Variants in ATP13A2 observed in about 807,000 individuals in gnomAD.
ATP13A2 encodes the protein ATPase cation transporting 13A2.
In ATP13A2, 83 loss-of-function variants were observed where a neutral mutation model predicts 138.3. The observed-to-expected ratio is 0.60, with a 90% CI of 0.50 to 0.72. The LOEUF is 0.72. ATP13A2 is among the 30% of genes least tolerant of loss of function. The pLI, the probability that ATP13A2 is intolerant of heterozygous loss-of-function variation, is 0.00. For synonymous variants in ATP13A2, 663 were observed against 699.0 expected (o/e 0.95, Z 0.81); for missense variants, 1,402 against 1,606.4 (o/e 0.87, Z 2.17).
chr1:16,990,694 G>A (rs1366536178), intron 20 of ATP13A2, among the ~76,000 whole-genome samples: 1 of 148,470 alleles, frequency 6.7e-6, no homozygotes, highest in Non-Finnish European at 1.5e-5. Context: ...AATTTTTTTT[G>A]CATTTTTAGT....
intron 14 of ATP13A2, 36 bp downstream of exon 14, chr1:16,996,218 G>A: frequency 1.2e-6 from 2 of 1,614,146 alleles, no homozygotes. Context: ...CCTGGGCCCT[G>A]CTGGCAGCAC....
Position 16,986,081 on chromosome 1 carries a change from G to C in ATP13A2, c.*140C>G, listed in dbSNP as rs557545457. 8.7e-4 allele frequency: 1,334 copies of C among 1,536,000 alleles called. 12 individuals are homozygous for C. In the African/African-American group the frequency reaches 0.017, roughly 19 times the overall value. On this transcript the variant is annotated 3_prime_UTR_variant, in exon 29 of 29. Transcript: ENST00000326735. The surrounding 1 kb of genome is among the most constrained non-coding windows in gnomAD (Gnocchi z 6.9). ...AGTAGTCAACGCTTCCCCAGGGTGGGGGTGGTCTCGGGGGAGGAGTGTAGA... is the reference window on the plus strand; with the variant it reads ...AGTAGTCAACGCTTCCCCAGGGTGGCGGTGGTCTCGGGGGAGGAGTGTAGA...
At chr1:16,989,622 A>G (rs749694399) in intron 23 of ATP13A2, 69 bp downstream of exon 23, 5 of 1,512,960 alleles carry the variant, frequency 3.3e-6, no homozygotes, top group African/African-American at 1.4e-5. Context: ...GGGGAAGGAC[A>G]GATGAACAGA....
At chr1:16,994,387 C>G (rs1386416642) in intron 15 of ATP13A2, among the ~76,000 whole-genome samples, 3 of 151,708 alleles carry the variant, frequency 2.0e-5, no homozygotes, top group Non-Finnish European at 2.9e-5. Flanking sequence ...CACGCGCTAC[C>G]TCGCCCACCT....
intron 12 of ATP13A2, 40 bp from the exon 13 acceptor site, chr1:16,996,536 G>T (rs1319142102): frequency 6.5e-7 from 1 of 1,549,404 alleles, no homozygotes; most frequent in Non-Finnish European, 8.9e-7. Context: ...GGAAGCCAGG[G>T]TGAGGGCAGG....
At chr1:16,989,858 G>A in intron 22 of ATP13A2, 29 bp downstream of exon 22, 1 of 1,609,178 alleles carries the variant, frequency 6.2e-7, no homozygotes, top group Non-Finnish European at 8.5e-7. Context: ...GGAGGCGCAG[G>A]GCGGCCAGGG....
In ATP13A2 at chr1:16,993,805, C is replaced by T. The variant is rs1035440803; in HGVS notation, c.1573G>A (p.Val525Met). ...TGTLTEDGLDVMGVVPLKGQA... is the reference protein window; with the variant it reads ...TGTLTEDGLDMMGVVPLKGQA... ...CCCTTCAGGGGCACCACCCCCATCA[C>T]GTCTAAGCCGTCCTCAGTGAGGGTG... The change falls in exon 16 of 29, where the codon GTG (valine) becomes ATG (methionine). Residue 525 changes from valine to methionine, a missense_variant. Physicochemically the swap from Val to Met is conservative, Grantham distance 21. Coordinates refer to ENST00000326735, the MANE Select transcript of ATP13A2 (RefSeq NM_022089.4). The T allele has an allele frequency of 7.6e-6, 12 of 1,576,148 alleles. No individual in the cohort carries two copies. The highest frequency in any genetic ancestry group is 1.0e-5 in the Non-Finnish European group (12 of 1,161,568).
intron 23 of ATP13A2, 121 bp downstream of exon 23, chr1:16,989,570 G>A (rs2076850185): frequency 2.2e-6 from 2 of 929,868 alleles, no homozygotes; most frequent in Non-Finnish European, 3.5e-6. Context: ...TGGTGAGGAG[G>A]GGTGACAGCT....
In ATP13A2 at chr1:16,992,596, G is replaced by C; in HGVS notation, c.1750-15C>G. 1 of 1,614,036 alleles carries C rather than the reference G, an allele frequency of 6.2e-7. No individual in the cohort carries two copies. The highest frequency in any genetic ancestry group is 8.5e-7 in the Non-Finnish European group (1 of 1,179,866). ...TCCTCCAGGACCTGGCAGGCAGGCA[G>C]GGAAGTTTGGTGTCTGGGGGCTTTG... On this transcript the variant is annotated splice_polypyrimidine_tract_variant and intron_variant, in intron 16 of 28. Transcript: ENST00000326735.
intron 25 of ATP13A2, among the ~76,000 whole-genome samples, chr1:16,987,542 G>A (rs920435436): frequency 2.0e-5 from 3 of 152,200 alleles, no homozygotes; most frequent in African/African-American, 4.8e-5. Flanking sequence ...CTCCCGGCCC[G>A]AAGGGGAGGC....
intron 12 of ATP13A2, 162 bp from the exon 13 acceptor site, chr1:16,996,658 T>G (rs529175355): frequency 1.5e-6 from 1 of 655,096 alleles, no homozygotes; most frequent in East Asian, 2.7e-5. Context: ...CCGGCTCTTG[T>G]AGGCTTTTTA....
At chr1:17,000,848 G>T (rs1341356611) in intron 8 of ATP13A2, 5 of 334,178 alleles carry the variant, frequency 1.5e-5, no homozygotes, top group Non-Finnish European at 2.3e-5. Flanking sequence ...AGGCTGAGGT[G>T]GGAGGATCAC....
chr1:17,010,664 G>A (rs923095197), intron 1 of ATP13A2, among the ~76,000 whole-genome samples: 2 of 152,158 alleles, frequency 1.3e-5, no homozygotes, highest in Non-Finnish European at 2.9e-5. Context: ...CATTTAAAAC[G>A]AGGCCCAGAG....
At position 16,986,512 on chromosome 1, in the gene ATP13A2, A is replaced by C. The variant is rs375453342; in HGVS notation, c.3356T>G (p.Leu1119Arg). 3.2e-5 allele frequency: 52 copies of C among 1,612,608 alleles called. No individual in the cohort carries two copies. The highest frequency in any genetic ancestry group is 4.3e-5 in the Non-Finnish European group (51 of 1,179,886). ...GTTGAGGGTGACCAGACCCAGCAGC[A>C]GCAGCTTGAAGCCGGTGTCAGTGAT... ...RNITDTGFKL[L>R]LLGLVTLNFV... The change falls in exon 28 of 29, where the codon CTG becomes CGG. Residue 1119 changes from leucine (L) to arginine (R), a missense_variant. Physicochemically the swap from Leu to Arg is moderately radical, Grantham distance 102. Coordinates refer to ENST00000326735, the MANE Select transcript of ATP13A2 (RefSeq NM_022089.4). The surrounding 1 kb of genome is among the most constrained non-coding windows in gnomAD (Gnocchi z 6.9).
intron 1 of ATP13A2, among the ~76,000 whole-genome samples, chr1:17,006,279 G>A (rs575439221): frequency 1.1e-3 from 160 of 143,510 alleles, no homozygotes; most frequent in Non-Finnish European, 2.2e-3. Context: ...GAGACGGAGT[G>A]TCACTCTGTC....
At position 17,004,937 on chromosome 1, in the gene ATP13A2, G is replaced by T. The variant is rs556230978; in HGVS notation, c.347+77C>A. 4 of 1,611,414 alleles carry T rather than the reference G, an allele frequency of 2.5e-6. 1 individual carries two copies. The highest frequency in any genetic ancestry group is 1.7e-6 in the Non-Finnish European group (2 of 1,179,122). ...GGAGGCGCCAGAGTCAGCCTTTATG[G>T]GGGGGCCGAGGGTTGGGGAAGTTGG... On this transcript the variant is annotated intron_variant, in intron 4 of 28. Coordinates refer to ENST00000326735, the MANE Select transcript of ATP13A2 (RefSeq NM_022089.4). This position sits in a 1 kb window ranked among gnomAD's most constrained non-coding sequence, Gnocchi z 4.1.
In ATP13A2 at chr1:17,011,685, G is replaced by T. The variant is rs780076438; in HGVS notation, c.10+44C>A. On this transcript the variant is annotated intron_variant, in intron 1 of 28. Coordinates refer to ENST00000326735, the MANE Select transcript of ATP13A2 (RefSeq NM_022089.4). The surrounding 1 kb of genome is among the most constrained non-coding windows in gnomAD (Gnocchi z 7.3). ...AAGGGGTGACGACAACTGGCGGGCCGGGGACCGCGCCGGGCTCGGGGCCGA... is the reference window on the plus strand; with the variant it reads ...AAGGGGTGACGACAACTGGCGGGCCTGGGACCGCGCCGGGCTCGGGGCCGA... 3 of 1,478,442 alleles carry T rather than the reference G, an allele frequency of 2.0e-6. No homozygotes were observed. Among genetic ancestry groups the T allele is most frequent in the African/African-American group, 1.5e-5 (1 of 68,398 alleles). 91.6% of individuals were successfully genotyped at this position (1,478,442 alleles called of 1,614,324 possible).
In ATP13A2 at chr1:17,011,923, G is replaced by T. The variant is rs910920025; in HGVS notation, c.-185C>A. 2.7e-5 allele frequency: 10 copies of T among 370,894 alleles called. No homozygotes were observed. The highest frequency in any genetic ancestry group is 3.4e-5 in the Non-Finnish European group (9 of 265,116). The allele number at this position is 370,894 out of a possible 1,614,324, so 23.0% of individuals were successfully genotyped here. A position where few individuals can be genotyped will look rare whatever the true frequency, so the allele number is the denominator to read the frequency against. ...GGGCCACCAGGCTCGGCGCGGCTCC[G>T]ACACTGCCGCAGTCCCTCCGTGCGC... On this transcript the variant is annotated 5_prime_UTR_variant, in exon 1 of 29. Coordinates refer to ENST00000326735, the MANE Select transcript of ATP13A2 (RefSeq NM_022089.4). The surrounding 1 kb of genome is among the most constrained non-coding windows in gnomAD (Gnocchi z 7.3).
In ATP13A2 at chr1:16,996,280, T is replaced by C. The variant is rs2100889623; in HGVS notation, c.1327A>G (p.Ser443Gly). 6.2e-7 allele frequency: 1 copy of C among 1,614,012 alleles called. No individual in the cohort carries two copies. Among genetic ancestry groups the C allele is most frequent in the Non-Finnish European group, 8.5e-7 (1 of 1,180,006 alleles). ...SVLALLGTIYSIFILYRNRVP... is the reference protein window; with the variant it reads ...SVLALLGTIYGIFILYRNRVP... ...CGGTTTCGGTAGAGGATGAAGATGC[T>C]GTAGATGGTGCCGAGGAGAGCTGTG... is the stretch of plus-strand genomic sequence containing the variant. Residue 443 changes from serine to glycine, a missense_variant, in exon 14 of 29, where the codon AGC becomes GGC. Coordinates refer to ENST00000326735, the MANE Select transcript of ATP13A2 (RefSeq NM_022089.4).
Sources: allele counts gnomAD v4.1 joint callset (sites outside exome capture counted in the v4.1 genomes callset), GRCh38; gene constraint gnomAD v4.1.1; non-coding constraint Gnocchi (gnomAD v3.1); transcripts MANE v1.5; gene names NCBI Gene and HGNC (gene_info 2026-07-23, HGNC 2026-07-21).